CMTM7: variants seen among roughly 807,000 people sequenced by gnomAD.
CMTM7 encodes the protein CKLF-like MARVEL transmembrane domain-containing protein 7.
In CMTM7, 7 loss-of-function variants were observed where a neutral mutation model predicts 19.3. The ratio of observed to expected loss-of-function variants is 0.36; its 90% CI spans 0.21 to 0.68. The LOEUF is 0.68. CMTM7 is among the 30% of genes least tolerant of loss of function. CMTM7 has a pLI of 0.60. For synonymous variants in CMTM7, 87 were observed against 99.3 expected (o/e 0.88, Z 0.74); for missense variants, 193 against 232.6 (o/e 0.83, Z 1.11).
In CMTM7 at chr3:32,449,612, C is replaced by A; in HGVS notation, c.432+60C>A. 1 of 1,304,328 alleles carries A rather than the reference C, an allele frequency of 7.7e-7. No individual in the cohort carries two copies. The highest frequency in any genetic ancestry group is 1.1e-6 in the Non-Finnish European group (1 of 897,496). 80.8% of individuals were successfully genotyped at this position (1,304,328 alleles called of 1,614,324 possible). On this transcript the variant is annotated intron_variant, in intron 3 of 4. Transcript: ENST00000334983. This position sits in a 1 kb window ranked among gnomAD's most constrained non-coding sequence, Gnocchi z 4.5. Reference sequence around the variant, plus strand: ...TCTTATTTAAAATGCTCATTTTCTTCCTGATGGGGGAAGAGAAGGGCTTGG... The same window carrying A: ...TCTTATTTAAAATGCTCATTTTCTTACTGATGGGGGAAGAGAAGGGCTTGG...
rs776686894 is a variant in CMTM7, at chr3:32,408,888, C to CT, written c.159+16836dup. On this transcript the variant is annotated intron_variant, in intron 1 of 4. Coordinates refer to ENST00000334983, the MANE Select transcript of CMTM7 (RefSeq NM_138410.4). Reference sequence around the variant, plus strand: ...GTCTCTTAATTATATATTTTTGTAACTTTTTTTTTTTTTGAGACAAAGTCT... The same window carrying CT: ...GTCTCTTAATTATATATTTTTGTAACTTTTTTTTTTTTTTGAGACAAAGTCT... 6.2e-3 allele frequency among the ~76,000 whole-genome samples: 912 copies of CT among 146,334 alleles called. 2 individuals carry two copies. Among genetic ancestry groups the CT allele is most frequent in the Middle Eastern group, 7.1e-3 (2 of 282 alleles).
intron 1 of CMTM7, among the ~76,000 whole-genome samples, chr3:32,410,774 G>A (rs1465090155): frequency 6.6e-6 from 1 of 152,184 alleles, no homozygotes; most frequent in East Asian, 1.9e-4. Context: ...CTTTAGTTGA[G>A]TTGACAGGTT....
rs141343145 is a variant in CMTM7 at position 32,447,802 on chromosome 3, T to A, written c.334-1652T>A. On this transcript the variant is annotated intron_variant, in intron 2 of 4. Coordinates refer to ENST00000334983, the MANE Select transcript of CMTM7 (RefSeq NM_138410.4). ...CATTTCCTTATCTTTGAATATAAAGTCTCTCTCCCATAGACAGCACATACT... is the reference window on the plus strand; with the variant it reads ...CATTTCCTTATCTTTGAATATAAAGACTCTCTCCCATAGACAGCACATACT... 1.8e-4 allele frequency among the ~76,000 whole-genome samples: 28 copies of A among 152,264 alleles called. No homozygotes were observed. In the East Asian group the frequency reaches 5.4e-3, roughly 29 times the overall value.
chr3:32,409,993 G>A (rs1352542152), intron 1 of CMTM7, among the ~76,000 whole-genome samples: 6 of 152,124 alleles, frequency 3.9e-5, no homozygotes, highest in African/African-American at 1.2e-4. Flanking sequence ...CCTCACAATA[G>A]CCCTATCATT....
At chr3:32,403,953 G>A (rs1696049262) in intron 1 of CMTM7, among the ~76,000 whole-genome samples, 1 of 151,938 alleles carries the variant, frequency 6.6e-6, no homozygotes, top group Non-Finnish European at 1.5e-5. Flanking sequence ...GGTATTGAAC[G>A]GACTAAGTAT....
chr3:32,441,586 C>A (rs993771163), intron 1 of CMTM7, among the ~76,000 whole-genome samples: 10 of 152,216 alleles, frequency 6.6e-5, no homozygotes, highest in Admixed American at 5.9e-4. Flanking sequence ...CTGGCACAAT[C>A]TAACAAACTT....
intron 1 of CMTM7, among the ~76,000 whole-genome samples, chr3:32,400,379 TC>T (rs1192609390): frequency 6.9e-6 from 1 of 144,874 alleles, no homozygotes; most frequent in Non-Finnish European, 1.5e-5. Context: ...TAAATGCTTT[TC>T]TTTTTTTTTC....
rs566675017 is a variant in CMTM7 at position 32,429,434 on chromosome 3, C to T, written c.160-12406C>T. The stretch of plus-strand genomic sequence containing the variant: ...TCAGCCTCCCGAGTAGCTGGGACTA[C>T]AGGCATGCGTCACCATACCTAGCTA... On this transcript the variant is annotated intron_variant, in intron 1 of 4. Transcript: ENST00000334983. Among the ~76,000 whole-genome samples the T allele has an allele frequency of 2.0e-5, 3 of 151,904 alleles. No homozygotes were observed. The South Asian group carries it at 6.2e-4, about 32-fold the overall frequency.
At chr3:32,439,637 A>G (rs1441716286) in intron 1 of CMTM7, among the ~76,000 whole-genome samples, 5 of 152,134 alleles carry the variant, frequency 3.3e-5, no homozygotes, top group Non-Finnish European at 7.4e-5. Context: ...TATTTTTTGT[A>G]GAGACAGGGT....
intron 1 of CMTM7, among the ~76,000 whole-genome samples, chr3:32,408,564 C>G: frequency 6.6e-6 from 1 of 151,958 alleles, no homozygotes; most frequent in East Asian, 1.9e-4. Context: ...ACAATAAAGA[C>G]AGAAGAAAAC....
chr3:32,409,111 T>C (rs1696135473), intron 1 of CMTM7, among the ~76,000 whole-genome samples: 1 of 152,048 alleles, frequency 6.6e-6, no homozygotes, highest in Non-Finnish European at 1.5e-5. Context: ...TCCATCTCTT[T>C]CCCTCATGAT....
chr3:32,425,868 G>T (rs2125632641), intron 1 of CMTM7, among the ~76,000 whole-genome samples: 1 of 152,266 alleles, frequency 6.6e-6, no homozygotes, highest in East Asian at 1.9e-4. Flanking sequence ...GGATTTGGCT[G>T]GGTGTGGTGG....
At chr3:32,441,778 G>A in intron 1 of CMTM7, 62 bp from the exon 2 acceptor site, 3 of 1,485,644 alleles carry the variant, frequency 2.0e-6, no homozygotes, top group South Asian at 1.2e-5. Context: ...GTTTTCCGTT[G>A]TTTGTTCCCT....
intron 1 of CMTM7, among the ~76,000 whole-genome samples, chr3:32,420,839 G>C (rs1696332640): frequency 6.6e-6 from 1 of 152,240 alleles, no homozygotes; most frequent in South Asian, 2.1e-4. Context: ...AAGGCCTGCT[G>C]CCTGCTTGCT....
At chr3:32,446,727 G>C (rs1295574286) in intron 2 of CMTM7, among the ~76,000 whole-genome samples, 2 of 152,116 alleles carry the variant, frequency 1.3e-5, no homozygotes, top group African/African-American at 4.8e-5. Context: ...TTCTTGCTCT[G>C]TTAGTTCCCA....
chr3:32,425,442 A>T (rs1696416211), intron 1 of CMTM7, among the ~76,000 whole-genome samples: 1 of 151,306 alleles, frequency 6.6e-6, no homozygotes, highest in South Asian at 2.1e-4. Flanking sequence ...TAGGGATTTC[A>T]TTTGTCTGAT....
At chr3:32,407,659 G>C (rs1696108759) in intron 1 of CMTM7, among the ~76,000 whole-genome samples, 3 of 152,114 alleles carry the variant, frequency 2.0e-5, no homozygotes, top group African/African-American at 4.8e-5. Context: ...GTTTTTCAAG[G>C]GTTCCTCAGT....
At chr3:32,438,645 T>C (rs747099639) in intron 1 of CMTM7, among the ~76,000 whole-genome samples, 2 of 152,208 alleles carry the variant, frequency 1.3e-5, no homozygotes, top group Non-Finnish European at 2.9e-5. Flanking sequence ...CTAAAGAAAG[T>C]CATATGGTAG....
chr3:32,404,425 T>G (rs1370863779), intron 1 of CMTM7, among the ~76,000 whole-genome samples: 1 of 152,196 alleles, frequency 6.6e-6, no homozygotes, highest in African/African-American at 2.4e-5. Flanking sequence ...CCTCCCAAAG[T>G]GCTGGGATTA....
Sources: allele counts gnomAD v4.1 joint callset (sites outside exome capture counted in the v4.1 genomes callset), GRCh38; gene constraint gnomAD v4.1.1; non-coding constraint Gnocchi (gnomAD v3.1); transcripts MANE v1.5; gene names NCBI Gene and HGNC (gene_info 2026-07-23, HGNC 2026-07-21).